SLC36A1: variants seen among roughly 807,000 people sequenced by gnomAD.
SLC36A1 encodes proton-coupled amino acid transporter 1.
A neutral mutation model predicts 47.5 loss-of-function variants in SLC36A1; 30 were observed. The ratio of observed to expected loss-of-function variants is 0.63; its 90% confidence interval spans 0.47 to 0.86. SLC36A1 has a LOEUF of 0.86. Ranked by LOEUF, SLC36A1 falls within the 40% of genes least tolerant of loss-of-function variation. The pLI, the probability that SLC36A1 is intolerant of heterozygous loss-of-function variation, is 0.00. For missense variants in SLC36A1, 517 were observed against 606.0 expected, an observed-to-expected ratio of 0.85 and a Z score of 1.54; for synonymous variants, 255 against 249.7, an observed-to-expected ratio of 1.02 and a Z score of -0.20.
the SLC36A1 span, among the ~76,000 whole-genome samples, chr5:151,384,261 T>C: frequency 6.6e-6 from 1 of 152,226 alleles, no homozygotes; most frequent in Admixed American, 6.5e-5. Flanking sequence ...GTGTTGGCTC[T>C]AGAAGCACTT....
chr5:151,420,870 C>CTT, the SLC36A1 span, among the ~76,000 whole-genome samples: 1 of 144,480 alleles, frequency 6.9e-6, no homozygotes, highest in East Asian at 2.4e-4. Context: ...CTTTCTTTCT[C>CTT]TTTCTTTCTT....
At position 151,467,904 on chromosome 5, in the gene SLC36A1, G is replaced by C. The variant is rs1257489546; in HGVS notation, c.702G>C (p.Met234Ile). ...ANITMLVSLV[M>I]IYQFIVQRIP... is the part of the protein sequence containing the mutation. Reference sequence around the variant, plus strand: ...TCACCATGCTGGTCAGCTTGGTCATGATCTACCAGTTCATTGTTCAGGTAC... The same window carrying C: ...TCACCATGCTGGTCAGCTTGGTCATCATCTACCAGTTCATTGTTCAGGTAC... Residue 234 changes from methionine to isoleucine, a missense_variant, in exon 7 of 11, where the codon ATG becomes ATC. By Grantham distance (10) the Met-to-Ile change is conservative (BLOSUM62 1). Transcript: ENST00000243389. 3 of 1,613,656 alleles carry C rather than the reference G, an allele frequency of 1.9e-6. No homozygotes were observed. The highest frequency in any genetic ancestry group is 2.5e-6 in the Non-Finnish European group (3 of 1,179,934).
In SLC36A1 at chr5:151,473,681, A is replaced by G. The variant is rs991741760; in HGVS notation, c.732A>G (p.Pro244=). 2.5e-6 allele frequency: 4 copies of G among 1,611,354 alleles called. No individual in the cohort carries two copies. Among genetic ancestry groups the G allele is most frequent in the South Asian group, 2.2e-5 (2 of 91,008 alleles). ...TGCTTTCTGTCTTTCAGAGGATCCC[A>G]GACCCCAGCCACCTCCCCTTGGTGG... ...MIYQFIVQRI[P]DPSHLPLVAP... Residue 244 remains proline (P), a synonymous_variant, in exon 8 of 11, where the codon CCA becomes CCG. Coordinates refer to ENST00000243389, the MANE Select transcript of SLC36A1 (RefSeq NM_078483.4).
the SLC36A1 span, chr5:151,505,872 A>G: frequency 6.2e-7 from 1 of 1,606,530 alleles, no homozygotes; most frequent in Non-Finnish European, 8.5e-7. Flanking sequence ...CAGATCTTCC[A>G]GGTTCTGGTT....
At chr5:151,368,172 TAATC>T in the SLC36A1 span, among the ~76,000 whole-genome samples, 1 of 152,242 alleles carries the variant, frequency 6.6e-6, no homozygotes, top group South Asian at 2.1e-4. Flanking sequence ...TAACCTGCCA[TAATC>T]AATCACAAAG....
the SLC36A1 span, chr5:151,545,406 G>T: frequency 3.7e-6 from 6 of 1,614,162 alleles, no homozygotes; most frequent in Admixed American, 1.0e-4. Flanking sequence ...TGCCAGTTTT[G>T]ATGCTATAAT....
the SLC36A1 span, among the ~76,000 whole-genome samples, chr5:151,526,824 C>G: frequency 1.3e-5 from 2 of 152,146 alleles, no homozygotes; most frequent in Non-Finnish European, 2.9e-5. Flanking sequence ...CTGAAAATTA[C>G]TCATAGAATC....
chr5:151,405,154 C>T, the SLC36A1 span, among the ~76,000 whole-genome samples: 2,257 of 152,124 alleles, frequency 0.015, 71 homozygotes, highest in African/African-American at 0.051. Flanking sequence ...TGAAATTATT[C>T]TTTCAGCTTG....
the SLC36A1 span, chr5:151,509,861 C>T: frequency 1.3e-6 from 1 of 774,896 alleles, no homozygotes; most frequent in Admixed American, 2.4e-5. Flanking sequence ...TCCCTGGTGC[C>T]AAAAAGGTTG....
the SLC36A1 span, among the ~76,000 whole-genome samples, chr5:151,537,523 C>T: frequency 6.6e-6 from 1 of 151,788 alleles, no homozygotes; most frequent in East Asian, 1.9e-4. Context: ...AAAATAAATC[C>T]CCTTAGCATT....
At chr5:151,401,359 T>C in the SLC36A1 span, among the ~76,000 whole-genome samples, 5 of 152,158 alleles carry the variant, frequency 3.3e-5, no homozygotes, top group Non-Finnish European at 5.9e-5. Context: ...ATTTCTGTGT[T>C]CTCTGTTCTG....
the SLC36A1 span, among the ~76,000 whole-genome samples, chr5:151,409,385 GCCT>G: frequency 6.6e-6 from 1 of 152,152 alleles, no homozygotes; most frequent in Non-Finnish European, 1.5e-5. Flanking sequence ...TTTGCATCAA[GCCT>G]CCTTTTACTT....
At chr5:151,468,266 A>AAAAAAATATAT (rs55642458) in intron 7 of SLC36A1, among the ~76,000 whole-genome samples, 11 of 63,816 alleles carry the variant, frequency 1.7e-4, no homozygotes, top group African/African-American at 8.8e-4. Flanking sequence ...AAAAAAAAAA[A>AAAAAAATATAT]ATATATATAT....
At chr5:151,469,232 C>G (rs1757004497) in intron 7 of SLC36A1, 3 of 700,392 alleles carry the variant, frequency 4.3e-6, no homozygotes, top group East Asian at 5.4e-5. Context: ...TGTGATTGGT[C>G]TGTCTCATTC....
At chr5:151,365,339 C>G in the SLC36A1 span, among the ~76,000 whole-genome samples, 61 of 152,338 alleles carry the variant, frequency 4.0e-4, no homozygotes, top group Non-Finnish European at 6.9e-4. Flanking sequence ...GCTCATACAG[C>G]ATCTTCACCT....
At chr5:151,420,829 AT>A in the SLC36A1 span, among the ~76,000 whole-genome samples, 1 of 151,392 alleles carries the variant, frequency 6.6e-6, no homozygotes, top group African/African-American at 2.4e-5. Flanking sequence ...AAAAGGGATT[AT>A]TTTTTAAGAA....
At chr5:151,434,952 C>T (rs1395900650), upstream of SLC36A1, among the ~76,000 whole-genome samples, 1 of 152,144 alleles carries the variant, frequency 6.6e-6, no homozygotes, top group Non-Finnish European at 1.5e-5. Flanking sequence ...ACTAAGGCAA[C>T]ATCAAATCAG....
In SLC36A1 at chr5:151,489,496, A is replaced by G. The variant is rs1489408732; in HGVS notation, c.*1242A>G. 6.6e-6 allele frequency: 1 copy of G among 152,646 alleles called. No homozygotes were observed. Among genetic ancestry groups the G allele is most frequent in the Admixed American group, 6.5e-5 (1 of 15,282 alleles). 9.5% of individuals were successfully genotyped at this position (152,646 alleles called of 1,614,324 possible). A position where few individuals can be genotyped will look rare whatever the true frequency, so the allele number is the denominator to read the frequency against. On this transcript the variant is annotated 3_prime_UTR_variant, in exon 11 of 11. Transcript: ENST00000243389. This position sits in a 1 kb window ranked among gnomAD's most constrained non-coding sequence, Gnocchi z 4.5. ...TCGGTTGTTTACAATCAGTGGGGAAAAGGGCAGAACCAGTGCCCGGCCCCA... is the reference window on the plus strand; with the variant it reads ...TCGGTTGTTTACAATCAGTGGGGAAGAGGGCAGAACCAGTGCCCGGCCCCA...
the SLC36A1 span, among the ~76,000 whole-genome samples, chr5:151,367,360 C>CTTTTTTTTTTTTTTTTT: frequency 1.1e-4 from 7 of 64,368 alleles, no homozygotes; most frequent in Non-Finnish European, 1.7e-4. Context: ...CCCAGGAATG[C>CTTTTTTTTTTTTTTTTT]ATTTTTTTTT....
Sources: gnomAD v4.1 joint callset for allele counts (sites outside exome capture counted in the v4.1 genomes callset) on GRCh38, gnomAD v4.1.1 for gene constraint, Gnocchi (gnomAD v3.1) non-coding constraint, MANE v1.5 for transcripts, NCBI Gene and HGNC (gene_info 2026-07-23, HGNC 2026-07-21) for gene names.